MED12L: variants seen among roughly 807,000 people sequenced by gnomAD.
The protein encoded by MED12L is mediator of RNA polymerase II transcription subunit 12-like protein.
Under a neutral mutation model 281.3 loss-of-function variants are expected in MED12L, and 60 were observed. That is an observed-to-expected ratio of 0.21 (90% CI 0.17 to 0.26). The LOEUF (loss-of-function observed/expected upper bound fraction) is 0.26. Ranked by LOEUF, MED12L falls within the 10% of genes least tolerant of loss-of-function variation. The pLI, the probability that MED12L is intolerant of heterozygous loss-of-function variation, is 1.00. For synonymous variants in MED12L, 974 were observed against 987.2 expected (o/e 0.99, Z 0.25); for missense variants, 2,146 against 2,680.9 (o/e 0.80, Z 4.41).
chr3:151,406,492 AAT>A (rs1045210292), intron 39 of MED12L, among the ~76,000 whole-genome samples: 1 of 152,196 alleles, frequency 6.6e-6, no homozygotes, highest in Admixed American at 6.5e-5. Context: ...GTGCTAGTCA[AAT>A]AGGGATGTTT....
chr3:151,261,681 C>A (rs1407112493), intron 16 of MED12L, among the ~76,000 whole-genome samples: 1 of 110,682 alleles, frequency 9.0e-6, no homozygotes, highest in South Asian at 3.1e-4. Context: ...TCCAGTGGTA[C>A]GTGGTGTTTT....
At position 151,396,336 on chromosome 3, in the gene MED12L, T is replaced by TA. The variant is rs1714962418; in HGVS notation, c.5820+1471dup. Among the ~76,000 whole-genome samples, 3 of 152,290 alleles carry TA rather than the reference T, an allele frequency of 2.0e-5. 1 individual carries two copies. Among genetic ancestry groups the TA allele is most frequent in the Middle Eastern group, 6.8e-3 (2 of 294 alleles). On this transcript the variant is annotated intron_variant, in intron 39 of 44. Coordinates refer to ENST00000687756, the MANE Select transcript of MED12L (RefSeq NM_001393769.1). ...TGAATTTAGCCCTCTTTCAAAGTAATAACGCCTAGGGCCAGGCGTGGTGGC... is the reference window on the plus strand; with the variant it reads ...TGAATTTAGCCCTCTTTCAAAGTAATAAACGCCTAGGGCCAGGCGTGGTGGC...
At chr3:151,171,955 A>G (rs528652377) in intron 11 of MED12L, among the ~76,000 whole-genome samples, 1 of 152,310 alleles carries the variant, frequency 6.6e-6, no homozygotes, top group East Asian at 1.9e-4. Context: ...GCTCAGTCGC[A>G]TTTATTGAAT....
chr3:151,224,666 C>T (rs1209922429), intron 16 of MED12L, among the ~76,000 whole-genome samples: 3 of 152,180 alleles, frequency 2.0e-5, no homozygotes, highest in Non-Finnish European at 4.4e-5. Flanking sequence ...AAGGAATCCT[C>T]CTCCCACCCC....
At chr3:151,321,823 C>T (rs1435290556) in intron 16 of MED12L, among the ~76,000 whole-genome samples, 1 of 152,126 alleles carries the variant, frequency 6.6e-6, no homozygotes, top group Non-Finnish European at 1.5e-5. Flanking sequence ...TTATCACTCC[C>T]CCCAATTGTC....
chr3:151,154,503 A>G (rs897698915), intron 5 of MED12L, among the ~76,000 whole-genome samples: 1 of 152,164 alleles, frequency 6.6e-6, no homozygotes, highest in Non-Finnish European at 1.5e-5. Context: ...TATTTCTCCT[A>G]TATTTTAAAA....
intron 11 of MED12L, among the ~76,000 whole-genome samples, chr3:151,177,025 T>C (rs1399443612): frequency 6.6e-6 from 1 of 152,242 alleles, no homozygotes; most frequent in African/African-American, 2.4e-5. Context: ...CTAGCATGTG[T>C]TAGAGGCAGA....
chr3:151,118,434 C>A (rs570899931), intron 3 of MED12L, among the ~76,000 whole-genome samples: 30 of 152,226 alleles, frequency 2.0e-4, no homozygotes, highest in African/African-American at 6.7e-4. Flanking sequence ...ATTGACTAAA[C>A]ACGTTTTTAG....
chr3:151,317,597 C>G (rs1239843332), intron 16 of MED12L, among the ~76,000 whole-genome samples: 1 of 151,132 alleles, frequency 6.6e-6, no homozygotes, highest in Non-Finnish European at 1.5e-5. Context: ...ATTACAGGTG[C>G]CCACGACTAC....
chr3:151,420,288 TC>T (rs1718090846), intron 43 of MED12L, among the ~76,000 whole-genome samples: 2 of 152,158 alleles, frequency 1.3e-5, no homozygotes, highest in African/African-American at 2.4e-5. Flanking sequence ...ACACTGTAAC[TC>T]CCTTCTTAGC....
intron 16 of MED12L, chr3:151,213,296 G>C (rs751517527): frequency 4.4e-6 from 7 of 1,590,926 alleles, no homozygotes; most frequent in Non-Finnish European, 6.0e-6. Context: ...AAGAGGGTAG[G>C]AACTCACAAA....
In MED12L at chr3:151,116,451, ATTTG is replaced by A. The variant is rs754344360; in HGVS notation, c.204+17_204+20del. 10 of 1,580,696 alleles carry A rather than the reference ATTTG, an allele frequency of 6.3e-6. No individual in the cohort carries two copies. Among genetic ancestry groups the A allele is most frequent in the South Asian group, 4.4e-5 (4 of 89,972 alleles). On this transcript the variant is annotated intron_variant, in intron 3 of 44. Transcript: ENST00000687756. ...TAATTAACCCATCAAAGGTAATGTTATTTGTTTGTTTCCTCAAACTCCTGAAAAA... is the reference window on the plus strand; with the variant it reads ...TAATTAACCCATCAAAGGTAATGTTATTTGTTTCCTCAAACTCCTGAAAAA...
intron 16 of MED12L, among the ~76,000 whole-genome samples, chr3:151,287,691 T>A (rs1037837802): frequency 1.3e-5 from 2 of 152,188 alleles, no homozygotes; most frequent in Non-Finnish European, 2.9e-5. Flanking sequence ...TATAAGGTTC[T>A]TGTGGCGATT....
intron 16 of MED12L, chr3:151,295,042 G>A (rs753895845): frequency 3.7e-6 from 6 of 1,613,516 alleles, no homozygotes; most frequent in Middle Eastern, 1.6e-4. Flanking sequence ...TCCTAATGTG[G>A]AAGAAGATCC....
intron 16 of MED12L, among the ~76,000 whole-genome samples, chr3:151,282,261 A>G (rs1385468356): frequency 1.3e-5 from 2 of 152,062 alleles, no homozygotes; most frequent in South Asian, 2.1e-4. Context: ...TTTAATCAGT[A>G]CCTATTGATG....
chr3:151,118,829 C>T (rs1208416419), intron 3 of MED12L, among the ~76,000 whole-genome samples: 1 of 151,654 alleles, frequency 6.6e-6, no homozygotes, highest in Non-Finnish European at 1.5e-5. Flanking sequence ...GAGTAGCTGG[C>T]TGCACCCGCC....
chr3:151,198,557 T>C (rs141833565), intron 16 of MED12L: 15 of 1,614,060 alleles, frequency 9.3e-6, no homozygotes, highest in Non-Finnish European at 1.3e-5. Flanking sequence ...AAAGCACAGG[T>C]TCGACACAGC....
chr3:151,094,474 G>T (rs766766390), intron 2 of MED12L, among the ~76,000 whole-genome samples: 1 of 152,156 alleles, frequency 6.6e-6, no homozygotes, highest in South Asian at 2.1e-4. Context: ...TAGAGGGGAC[G>T]CTCTTACCTC....
chr3:151,371,296 A>G (rs1033369294), intron 26 of MED12L, among the ~76,000 whole-genome samples: 38 of 152,152 alleles, frequency 2.5e-4, no homozygotes, highest in Non-Finnish European at 2.9e-4. Flanking sequence ...AATTTCTACA[A>G]TGTAACTCAA....
Sources: gnomAD v4.1 joint callset for allele counts (sites outside exome capture counted in the v4.1 genomes callset) on GRCh38, gnomAD v4.1.1 for gene constraint, MANE v1.5 for transcripts, NCBI Gene and HGNC (gene_info 2026-07-23, HGNC 2026-07-21) for gene names.